Variants in METTL22 observed in about 807,000 individuals in gnomAD.
METTL22 encodes methyltransferase 22, Kin17 lysine, also known as methyltransferase-like protein 22.
In METTL22, 51 loss-of-function variants were observed where a neutral mutation model predicts 48.4. The ratio of observed to expected loss-of-function variants is 1.05; its 90% CI spans 0.84 to 1.33. METTL22 has a LOEUF of 1.33. METTL22 is among the 40% of genes most tolerant of loss of function. The pLI, the probability that METTL22 is intolerant of heterozygous loss-of-function variation, is 0.00. For missense variants in METTL22, 678 were observed against 526.9 expected, an observed-to-expected ratio of 1.29 and a Z score of -2.81; for synonymous variants, 255 against 214.1, an observed-to-expected ratio of 1.19 and a Z score of -1.67.
the METTL22 span, among the ~76,000 whole-genome samples, chr16:8,660,803 G>A: frequency 5.0e-5 from 1 of 19,926 alleles, no homozygotes; most frequent in Admixed American, 6.5e-4. Flanking sequence ...GGAGGAGGAG[G>A]AGGAGGAGGA....
chr16:8,658,333 A>T, the METTL22 span, among the ~76,000 whole-genome samples: 1 of 152,236 alleles, frequency 6.6e-6, no homozygotes, highest in Admixed American at 6.5e-5. Context: ...AACTGAAATA[A>T]TCCATTTCCA....
chr16:8,631,661 C>G (rs2056269316), intron 3 of METTL22: 1 of 152,208 alleles, frequency 6.6e-6, no homozygotes, highest in African/African-American at 2.4e-5. Context: ...GGTCTAGAGA[C>G]CCAGTTTGCA....
rs58860199 is a variant in METTL22, at chr16:8,649,637, CAAA to C, written c.*3509_*3511del. On this transcript the variant is annotated 3_prime_UTR_variant, in exon 11 of 11. Coordinates refer to ENST00000381920, the MANE Select transcript of METTL22 (RefSeq NM_024109.4). ...TGAAACCCCGTCTCTACTAAAAATACAAAAAAAAAAAAAAAAATTAGCTGGGCG... is the reference window on the plus strand; with the variant it reads ...TGAAACCCCGTCTCTACTAAAAATACAAAAAAAAAAAAAATTAGCTGGGCG... The C allele has an allele frequency of 0.96, 139,877 of 145,134 alleles. 67,480 individuals are homozygous for C. Among genetic ancestry groups the C allele is most frequent in the East Asian group, 0.99 (4,933 of 4,960 alleles). 9.0% of individuals were successfully genotyped at this position (145,134 alleles called of 1,614,324 possible). A position where few individuals can be genotyped will look rare whatever the true frequency, so the allele number is the denominator to read the frequency against.
intron 10 of METTL22, 106 bp from the exon 11 acceptor site, chr16:8,646,002 G>GTCGTGTTGTCTA: frequency 6.5e-7 from 1 of 1,544,538 alleles, no homozygotes; most frequent in Non-Finnish European, 8.7e-7. Flanking sequence ...CTCCGTGGCT[G>GTCGTGTTGTCTA]ACGTGTTGTC....
the METTL22 span, among the ~76,000 whole-genome samples, chr16:8,660,295 G>C: frequency 6.6e-6 from 1 of 152,158 alleles, no homozygotes; most frequent in South Asian, 2.1e-4. Flanking sequence ...TCGTGCCTCA[G>C]CCTCCCAAGC....
chr16:8,635,826 C>T (rs549263135), intron 5 of METTL22, among the ~76,000 whole-genome samples: 28 of 152,324 alleles, frequency 1.8e-4, no homozygotes, highest in African/African-American at 6.5e-4. Flanking sequence ...GGAGGCCCTG[C>T]GGTGAATGGA....
chr16:8,654,165 A>C (rs2056933616), downstream of METTL22, among the ~76,000 whole-genome samples: 1 of 152,230 alleles, frequency 6.6e-6, no homozygotes, highest in African/African-American at 2.4e-5. Flanking sequence ...ATAGATGGGT[A>C]AACTAAGGAG....
the METTL22 span, among the ~76,000 whole-genome samples, chr16:8,660,780 T>TGGAGGTGGA: frequency 3.8e-4 from 6 of 15,746 alleles, 2 homozygotes; most frequent in Non-Finnish European, 8.6e-4. Flanking sequence ...GGGCAAGTCT[T>TGGAGGTGGA]GGAGGAGGAG....
At chr16:8,645,505 G>A (rs2056759227) in intron 10 of METTL22, among the ~76,000 whole-genome samples, 1 of 152,184 alleles carries the variant, frequency 6.6e-6, no homozygotes, top group Non-Finnish European at 1.5e-5. Flanking sequence ...GCCAGGTACG[G>A]TGGCTCCCAC....
chr16:8,653,844 G>A (rs534026524), downstream of METTL22, among the ~76,000 whole-genome samples: 1 of 152,258 alleles, frequency 6.6e-6, no homozygotes, highest in African/African-American at 2.4e-5. Context: ...GGAACACTGG[G>A]ACCATCTCCT....
the METTL22 span, among the ~76,000 whole-genome samples, chr16:8,663,241 A>T: frequency 6.8e-6 from 1 of 146,212 alleles, no homozygotes; most frequent in African/African-American, 2.5e-5. Flanking sequence ...CCAAGCCATC[A>T]TCATCATCAT....
At chr16:8,639,624 C>G (rs945863642) in intron 6 of METTL22, 4 of 192,510 alleles carry the variant, frequency 2.1e-5, no homozygotes, top group Admixed American at 1.6e-4. Context: ...TTGCCTCCTC[C>G]TGACAGTCTC....
chr16:8,644,675 G>A lies in METTL22; in HGVS notation c.1129G>A (p.Val377Met), dbSNP rs199552770. The part of the protein sequence containing the change: ...DGKLRFVVEP[V>M]EASFPQLLVY... ...CAAGCTGCGCTTCGTGGTGGAGCCC[G>A]TGGAGGCCTCCTTCCCACAGCTCCT... Residue 377 changes from valine to methionine, a missense_variant, in exon 10 of 11, where the codon GTG becomes ATG. Coordinates refer to ENST00000381920, the MANE Select transcript of METTL22 (RefSeq NM_024109.4). The A allele has an allele frequency of 6.3e-5, 101 of 1,605,008 alleles. No individual in the cohort carries two copies. The highest frequency in any genetic ancestry group is 1.0e-4 in the Admixed American group (6 of 58,482).
chr16:8,633,495 A>G (rs2056328250), intron 3 of METTL22, among the ~76,000 whole-genome samples: 1 of 152,140 alleles, frequency 6.6e-6, no homozygotes, highest in Admixed American at 6.5e-5. Flanking sequence ...AGCCCCAGCT[A>G]CTCGAGAGGC....
At chr16:8,644,882 C>T (rs146697240) in intron 10 of METTL22, 157 bp downstream of exon 10, 2 of 741,020 alleles carry the variant, frequency 2.7e-6, no homozygotes, top group Non-Finnish European at 4.1e-6. Context: ...GTAGTGGAAC[C>T]TGTTGGGGGA....
chr16:8,644,157 GC>G (rs2056710302), intron 9 of METTL22, among the ~76,000 whole-genome samples: 2 of 152,026 alleles, frequency 1.3e-5, no homozygotes, highest in African/African-American at 4.8e-5. Flanking sequence ...CCTCTGCACC[GC>G]CCCCTGCCAC....
chr16:8,631,583 C>T (rs1389588751), intron 3 of METTL22: 2 of 152,266 alleles, frequency 1.3e-5, no homozygotes, highest in African/African-American at 4.8e-5. Flanking sequence ...AAATGTAAGC[C>T]TCTGTCCTGG....
chr16:8,628,450 T>C (rs968086567), intron 2 of METTL22, among the ~76,000 whole-genome samples: 26 of 152,058 alleles, frequency 1.7e-4, no homozygotes, highest in African/African-American at 5.6e-4. Context: ...AAGCTGATAA[T>C]GGTATCTTCA....
In METTL22 at chr16:8,642,827, C is replaced by T. The variant is rs1026453080; in HGVS notation, c.1010+262C>T. 2.6e-5 allele frequency: 14 copies of T among 534,190 alleles called. No individual in the cohort carries two copies. The Middle Eastern group carries it at 1.5e-3, about 59-fold the overall frequency. 33.1% of individuals were successfully genotyped at this position (534,190 alleles called of 1,614,324 possible). A position where few individuals can be genotyped will look rare whatever the true frequency, so the allele number is the denominator to read the frequency against. On this transcript the variant is annotated intron_variant, in intron 9 of 10. Transcript: ENST00000381920. ...AGCATCAGGGGCCTTGGCCAGGGCA[C>T]GGCTAGTTAGTGATAGACAAGGACT...
Sources: allele counts gnomAD v4.1 joint callset (sites outside exome capture counted in the v4.1 genomes callset), GRCh38; gene constraint gnomAD v4.1.1; transcripts MANE v1.5; gene names NCBI Gene and HGNC (gene_info 2026-07-23, HGNC 2026-07-21).